Variants in RFTN2 observed in about 807,000 individuals in gnomAD.
RFTN2 encodes raftlin family member 2.
RFTN2 carries 34 observed loss-of-function variants against 52.7 expected under a neutral mutation model. The observed-to-expected ratio is 0.64, with a 90% CI of 0.49 to 0.86. The LOEUF (loss-of-function observed/expected upper bound fraction) is 0.86, where lower values mean the gene tolerates loss of function less well. RFTN2 is among the 40% of genes least tolerant of loss of function. RFTN2 has a pLI of 0.00. For synonymous variants in RFTN2, 203 were observed against 217.7 expected, an observed-to-expected ratio of 0.93 and a Z score of 0.59; for missense variants, 536 against 600.1, an observed-to-expected ratio of 0.89 and a Z score of 1.12.
At chr2:197,659,373 C>T (rs991415452) in intron 1 of RFTN2, among the ~76,000 whole-genome samples, 4 of 151,190 alleles carry the variant, frequency 2.6e-5, no homozygotes, top group African/African-American at 9.7e-5. Flanking sequence ...GTGGTACACT[C>T]CTGTAGGCCC....
At chr2:197,596,136 G>T in intron 7 of RFTN2, 67 bp from the exon 8 acceptor site, 1 of 877,382 alleles carries the variant, frequency 1.1e-6, no homozygotes, top group South Asian at 1.6e-5. Flanking sequence ...TAATTGGCTA[G>T]AACATTCCAT....
At position 197,572,268 on chromosome 2, in the gene RFTN2, G is replaced by T. The variant is rs768206974; in HGVS notation, c.1246C>A (p.Arg416Ser). The change falls in exon 9 of 9, where the codon CGC (arginine) becomes AGC (serine). Residue 416 changes from arginine (R) to serine (S), a missense_variant. Transcript: ENST00000295049. ...AAQTPDKKAS[R>S]HIKGEDKNKA... ...TTCTTGTCTTCACCTTTTATGTGGC[G>T]GCTGGCTTTCTTCTGAAACACAAGA... 4 of 1,613,552 alleles carry T rather than the reference G, an allele frequency of 2.5e-6. No homozygotes were observed. Among genetic ancestry groups the T allele is most frequent in the South Asian group, 1.1e-5 (1 of 91,072 alleles).
intron 7 of RFTN2, among the ~76,000 whole-genome samples, chr2:197,600,832 A>T (rs2087867963): frequency 6.6e-6 from 1 of 152,212 alleles, no homozygotes; most frequent in African/African-American, 2.4e-5. Flanking sequence ...TTAGACTTTA[A>T]TGGACAGTCA....
chr2:197,592,141 C>T lies in RFTN2; in HGVS notation c.1233+3850G>A, dbSNP rs548582478. Among the ~76,000 whole-genome samples the T allele has an allele frequency of 9.1e-4, 138 of 152,282 alleles. 1 individual carries two copies. The highest frequency in any genetic ancestry group is 3.2e-3 in the African/African-American group (131 of 41,558). On this transcript the variant is annotated intron_variant, in intron 8 of 8. Coordinates refer to ENST00000295049, the MANE Select transcript of RFTN2 (RefSeq NM_144629.3). ...CTCTCAATAACAGTACTGTTCTGTG[C>T]TCAGTGAAATTGGGTAGGAAAAGTC...
In RFTN2 at chr2:197,655,592, G is replaced by A. The variant is rs548753553; in HGVS notation, c.140-8926C>T. Among the ~76,000 whole-genome samples, 153 of 152,270 alleles carry A rather than the reference G, an allele frequency of 1.0e-3. 1 individual carries two copies. In the Middle Eastern group the frequency reaches 0.014, roughly 14 times the overall value. ...TGTAATCCCAGCACTTTGGGAGGCCGAGGCAGGCAGATCACGAGGTCAAGA... is the reference window on the plus strand; with the variant it reads ...TGTAATCCCAGCACTTTGGGAGGCCAAGGCAGGCAGATCACGAGGTCAAGA... On this transcript the variant is annotated intron_variant, in intron 1 of 8. Transcript: ENST00000295049.
intron 1 of RFTN2, among the ~76,000 whole-genome samples, chr2:197,659,425 C>T (rs58576043): frequency 0.19 from 27,905 of 149,160 alleles, 2,729 homozygotes; most frequent in Middle Eastern, 0.27. Flanking sequence ...TGCAGTGAGC[C>T]GAGACCGTGC....
intron 1 of RFTN2, among the ~76,000 whole-genome samples, chr2:197,651,787 T>C (rs1352016038): frequency 2.0e-5 from 3 of 152,214 alleles, no homozygotes; most frequent in Non-Finnish European, 2.9e-5. Flanking sequence ...AAAAGGCATA[T>C]ACTTTCTTCC....
intron 6 of RFTN2, among the ~76,000 whole-genome samples, chr2:197,616,701 A>C (rs1488484635): frequency 6.6e-6 from 1 of 152,140 alleles, no homozygotes; most frequent in African/African-American, 2.4e-5. Flanking sequence ...AAGAGTGGAG[A>C]GTGACAATAG....
At chr2:197,576,586 C>A (rs2087423775) in intron 8 of RFTN2, among the ~76,000 whole-genome samples, 1 of 152,094 alleles carries the variant, frequency 6.6e-6, no homozygotes, top group African/African-American at 2.4e-5. Context: ...GCTGATCTTA[C>A]AGAAGTTTGT....
chr2:197,630,359 A>G lies in RFTN2; in HGVS notation c.928+652T>C, dbSNP rs141257420. Among the ~76,000 whole-genome samples the G allele has an allele frequency of 2.0e-5, 3 of 152,282 alleles. No individual in the cohort carries two copies. In the East Asian group the frequency reaches 5.8e-4, roughly 29 times the overall value. On this transcript the variant is annotated intron_variant, in intron 5 of 8. Coordinates refer to ENST00000295049, the MANE Select transcript of RFTN2 (RefSeq NM_144629.3). ...CCTAATGCATTTTTCTAGTCTCATT[A>G]CTACCTTTCCTTTTTCTTTTTTTAA...
intron 5 of RFTN2, among the ~76,000 whole-genome samples, chr2:197,624,627 A>AGCCAAT (rs1022227589): frequency 1.2e-4 from 17 of 141,570 alleles, no homozygotes; most frequent in Admixed American, 1.2e-3. Flanking sequence ...AAAAAGAAAG[A>AGCCAAT]GCCAATTGAT....
intron 8 of RFTN2, among the ~76,000 whole-genome samples, chr2:197,588,447 T>C (rs1332304848): frequency 6.6e-6 from 1 of 152,264 alleles, no homozygotes; most frequent in Non-Finnish European, 1.5e-5. Flanking sequence ...ACTCCTGGCC[T>C]CATGGCCAGC....
At position 197,633,998 on chromosome 2, in the gene RFTN2, C is replaced by G; in HGVS notation, c.439-1G>C. On this transcript the variant is annotated splice_acceptor_variant, in intron 3 of 8. Transcript: ENST00000295049. LOFTEE classifies it high-confidence loss of function. ...TTCCTCTTTTAGCAGCGACATTAAT[C>G]TGATATTTAAAAAGAGATGGCAGAA... 6.2e-7 allele frequency: 1 copy of G among 1,603,628 alleles called. No homozygotes were observed. The highest frequency in any genetic ancestry group is 8.5e-7 in the Non-Finnish European group (1 of 1,174,354).
intron 1 of RFTN2, among the ~76,000 whole-genome samples, chr2:197,665,783 T>C (rs1405084493): frequency 1.3e-5 from 2 of 152,052 alleles, no homozygotes; most frequent in Non-Finnish European, 2.9e-5. Flanking sequence ...ATTACTGATA[T>C]GTGAGTTTTT....
At position 197,653,182 on chromosome 2, in the gene RFTN2, T is replaced by G. The variant is rs574445404; in HGVS notation, c.140-6516A>C. The stretch of plus-strand genomic sequence containing the variant: ...TTTGTTCAGTGCCGTATCTCTATAC[T>G]TAGAGTATTGCCTAGCAGACAGATG... On this transcript the variant is annotated intron_variant, in intron 1 of 8. Transcript: ENST00000295049. 3.9e-5 allele frequency among the ~76,000 whole-genome samples: 6 copies of G among 152,342 alleles called. No individual in the cohort carries two copies. The East Asian group carries it at 1.2e-3, about 29-fold the overall frequency.
At chr2:197,658,643 A>G (rs1323298193) in intron 1 of RFTN2, among the ~76,000 whole-genome samples, 6 of 152,110 alleles carry the variant, frequency 3.9e-5, no homozygotes, top group Non-Finnish European at 7.4e-5. Context: ...TTTGGCTAGA[A>G]TTTGAACAGC....
In RFTN2 at chr2:197,665,487, G is replaced by T. The variant is rs986072067; in HGVS notation, c.139+9833C>A. On this transcript the variant is annotated intron_variant, in intron 1 of 8. Coordinates refer to ENST00000295049, the MANE Select transcript of RFTN2 (RefSeq NM_144629.3). ...TTAGAATTGTTATATCCTCTTGCTGGATTGATTCCTTTATCATTATGTACC... is the reference window on the plus strand; with the variant it reads ...TTAGAATTGTTATATCCTCTTGCTGTATTGATTCCTTTATCATTATGTACC... Among the ~76,000 whole-genome samples the T allele has an allele frequency of 7.0e-5, 5 of 71,668 alleles. No individual in the cohort carries two copies. In the Admixed American group the frequency reaches 7.0e-4, roughly 10 times the overall value. The allele number at this position is 71,668 out of a possible 152,430, so 47.0% of individuals were successfully genotyped here. A position where few individuals can be genotyped will look rare whatever the true frequency, so the allele number is the denominator to read the frequency against.
At chr2:197,653,231 A>T (rs888600076) in intron 1 of RFTN2, among the ~76,000 whole-genome samples, 1 of 152,236 alleles carries the variant, frequency 6.6e-6, no homozygotes, top group Non-Finnish European at 1.5e-5. Context: ...TGTTGAATGG[A>T]TAAGTAAACT....
chr2:197,591,252 G>A (rs563447411), intron 8 of RFTN2, among the ~76,000 whole-genome samples: 13 of 152,182 alleles, frequency 8.5e-5, no homozygotes, highest in African/African-American at 2.4e-5. Context: ...ATAGAGTGCC[G>A]ATTGGTGTAT....
Sources: allele counts gnomAD v4.1 joint callset (sites outside exome capture counted in the v4.1 genomes callset), GRCh38; gene constraint gnomAD v4.1.1; transcripts MANE v1.5; gene names NCBI Gene and HGNC (gene_info 2026-07-23, HGNC 2026-07-21).